Variants in DPP6 observed in about 807,000 individuals in gnomAD.
DPP6 encodes A-type potassium channel modulatory protein DPP6.
DPP6 carries 69 observed loss-of-function variants against 122.6 expected under a neutral mutation model. The observed-to-expected ratio is 0.56, with a 90% CI of 0.46 to 0.69. The LOEUF (loss-of-function observed/expected upper bound fraction) is 0.69. Among genes scored for constraint, DPP6 ranks in the 30% least tolerant of loss-of-function variants. DPP6 has a pLI of 0.00. For synonymous variants in DPP6, 418 were observed against 433.1 expected (o/e 0.97, Z 0.43); for missense variants, 928 against 1,116.9 (o/e 0.83, Z 2.41).
intron 1 of DPP6, among the ~76,000 whole-genome samples, chr7:153,960,297 T>C (rs1795279881): frequency 6.6e-6 from 1 of 152,152 alleles, no homozygotes; most frequent in Non-Finnish European, 1.5e-5. Context: ...AGAACTTCTT[T>C]AAAATTGGAG....
intron 8 of DPP6, among the ~76,000 whole-genome samples, chr7:154,757,969 C>T (rs1054042078): frequency 3.3e-5 from 5 of 152,064 alleles, no homozygotes. Context: ...CCGCGCTCTC[C>T]CCCCCGCCCT....
chr7:153,986,982 G>A (rs1297977841), intron 1 of DPP6, among the ~76,000 whole-genome samples: 1 of 152,160 alleles, frequency 6.6e-6, no homozygotes, highest in African/African-American at 2.4e-5. Context: ...TAAATTTATA[G>A]TATGGTCACA....
chr7:154,598,867 G>A (rs934942095), intron 5 of DPP6, among the ~76,000 whole-genome samples: 10 of 152,130 alleles, frequency 6.6e-5, no homozygotes, highest in African/African-American at 2.4e-4. Flanking sequence ...GTTATTTATA[G>A]TATGTTCATC....
intron 1 of DPP6, among the ~76,000 whole-genome samples, chr7:154,213,973 A>G (rs901454846): frequency 6.6e-6 from 1 of 152,182 alleles, no homozygotes; most frequent in Non-Finnish European, 1.5e-5. Flanking sequence ...AAATGGGAAG[A>G]TGGTCTTTGA....
In DPP6 at chr7:154,877,813, G is replaced by A. The variant is rs150533067; in HGVS notation, c.2078+1713G>A. ...GCCCCCCCAGAGACCAAGTGGGTCC[G>A]TCTGACACCAGTGTGGGGCCAGCCC... On this transcript the variant is annotated intron_variant, in intron 20 of 25. Transcript: ENST00000377770. The surrounding 1 kb of genome is among the most constrained non-coding windows in gnomAD (Gnocchi z 5.2). Among the ~76,000 whole-genome samples, 84 of 152,318 alleles carry A rather than the reference G, an allele frequency of 5.5e-4. No individual in the cohort carries two copies. The East Asian group carries it at 9.5e-3, about 17-fold the overall frequency.
chr7:154,682,357 C>T (rs371231214), intron 7 of DPP6, among the ~76,000 whole-genome samples: 47 of 152,356 alleles, frequency 3.1e-4, no homozygotes, highest in African/African-American at 1.1e-3. Flanking sequence ...TTTCCAAGGA[C>T]GTTTCAGAGG....
rs569806762 is a variant in DPP6, at chr7:154,455,992, A to C, written c.358+9664A>C. ...ATATTTTTACAAGCAGCTGGCTCCT[A>C]TATTAGTTGCTAGTTTAGTGAAGAC... On this transcript the variant is annotated intron_variant, in intron 2 of 25. Coordinates refer to ENST00000377770, the MANE Select transcript of DPP6 (RefSeq NM_130797.4). Among the ~76,000 whole-genome samples the C allele has an allele frequency of 2.0e-5, 3 of 152,254 alleles. No individual in the cohort carries two copies. In the East Asian group the frequency reaches 5.8e-4, roughly 29 times the overall value.
chr7:154,756,786 C>G (rs71534167), intron 8 of DPP6, among the ~76,000 whole-genome samples: 1 of 152,006 alleles, frequency 6.6e-6, no homozygotes, highest in Non-Finnish European at 1.5e-5. Context: ...ATTCAGCTCG[C>G]GAGATATTCC....
intron 1 of DPP6, among the ~76,000 whole-genome samples, chr7:154,316,859 CA>C (rs919741353): frequency 1.7e-4 from 26 of 152,254 alleles, no homozygotes; most frequent in African/African-American, 6.0e-4. Context: ...GGAGAAGGAG[CA>C]CCAGCCTGGG....
the DPP6 span, among the ~76,000 whole-genome samples, chr7:153,845,496 A>G: frequency 6.6e-6 from 1 of 151,884 alleles, no homozygotes; most frequent in Non-Finnish European, 1.5e-5. Flanking sequence ...TATATTTTAG[A>G]TATGCCTCTC....
At chr7:154,093,804 A>G (rs1467327567) in intron 1 of DPP6, 1 of 152,090 alleles carries the variant, frequency 6.6e-6, no homozygotes, top group Non-Finnish European at 1.5e-5. Flanking sequence ...GATTGGCGGA[A>G]CCCTGGGATG....
the DPP6 span, among the ~76,000 whole-genome samples, chr7:153,774,420 T>G: frequency 1.3e-5 from 2 of 152,166 alleles, no homozygotes; most frequent in African/African-American, 4.8e-5. Context: ...AGCAGTGTCT[T>G]TGTGTCAGTT....
At chr7:154,872,519 G>A (rs1243970429) in intron 18 of DPP6, 105 bp from the exon 19 acceptor site, 12 of 1,485,552 alleles carry the variant, frequency 8.1e-6, no homozygotes, top group Non-Finnish European at 9.0e-6. Context: ...CTTCCCCTCA[G>A]GCCCCACCCA....
intron 5 of DPP6, among the ~76,000 whole-genome samples, chr7:154,585,882 C>G (rs1015712892): frequency 2.6e-5 from 4 of 152,078 alleles, no homozygotes; most frequent in Non-Finnish European, 4.4e-5. Context: ...CGGGAGCCTA[C>G]AGGAAGCTGG....
the DPP6 span, among the ~76,000 whole-genome samples, chr7:153,874,614 G>T: frequency 2.0e-5 from 3 of 152,150 alleles, no homozygotes; most frequent in Non-Finnish European, 2.9e-5. Flanking sequence ...GACCTCAAGT[G>T]ATCCACCCAC....
intron 1 of DPP6, among the ~76,000 whole-genome samples, chr7:154,133,753 T>C (rs1795406184): frequency 6.6e-6 from 1 of 150,842 alleles, no homozygotes; most frequent in African/African-American, 2.5e-5. Flanking sequence ...TAGTGGCTTT[T>C]GAATCTGTGA....
intron 6 of DPP6, among the ~76,000 whole-genome samples, chr7:154,652,263 C>T (rs1483872125): frequency 2.1e-5 from 3 of 143,144 alleles, no homozygotes; most frequent in African/African-American, 5.4e-5. Context: ...GCTCCAAAGG[C>T]GTTTTTTTTT....
At chr7:153,886,112 TACACACACACACACACAC>T (rs60245538), upstream of DPP6, among the ~76,000 whole-genome samples, 34 of 140,414 alleles carry the variant, frequency 2.4e-4, no homozygotes, top group East Asian at 2.8e-3. Flanking sequence ...GGCACGCCCT[TACACACACACACACACAC>T]ACACACACAC....
intron 5 of DPP6, among the ~76,000 whole-genome samples, chr7:154,583,564 T>G (rs997396596): frequency 6.6e-6 from 1 of 152,156 alleles, no homozygotes; most frequent in African/African-American, 2.4e-5. Context: ...CATCGGCTGC[T>G]GCCACCCAAA....
Sources: gnomAD v4.1 joint callset for allele counts (sites outside exome capture counted in the v4.1 genomes callset) on GRCh38, gnomAD v4.1.1 for gene constraint, Gnocchi (gnomAD v3.1) non-coding constraint, MANE v1.5 for transcripts, NCBI Gene and HGNC (gene_info 2026-07-23, HGNC 2026-07-21) for gene names.